The following AK9 variants were observed in gnomAD, a reference collection of about 807,000 sequenced individuals.
AK9 encodes adenylate kinase domain containing 1.
In AK9, 191 loss-of-function variants were observed where a neutral mutation model predicts 239.6. The observed-to-expected ratio is 0.80, with a 90% CI of 0.71 to 0.90. The LOEUF is 0.90. Among genes scored for constraint, AK9 ranks in the 40% least tolerant of loss-of-function variants. The probability of loss-of-function intolerance (pLI) is 0.00; values close to 1 mark genes in which losing one functional copy is unlikely to be tolerated. For missense variants in AK9, 1,995 were observed against 2,214.7 expected, an observed-to-expected ratio of 0.90 and a Z score of 1.99; for synonymous variants, 689 against 721.0, an observed-to-expected ratio of 0.96 and a Z score of 0.71.
At chr6:109,545,009 A>G (rs1221011433) in intron 26 of AK9, among the ~76,000 whole-genome samples, 6 of 152,192 alleles carry the variant, frequency 3.9e-5, no homozygotes, top group African/African-American at 1.4e-4. Flanking sequence ...GAAGAGCTGG[A>G]AGATTTGTAT....
intron 32 of AK9, among the ~76,000 whole-genome samples, chr6:109,513,076 G>A (rs1379305866): frequency 3.3e-5 from 5 of 152,062 alleles, no homozygotes; most frequent in African/African-American, 1.2e-4. Flanking sequence ...TGTTACCCAG[G>A]CTGGTCCTGA....
chr6:109,533,599 TTTAC>T (rs1562365200), intron 27 of AK9, 129 bp from the exon 28 acceptor site: 3 of 610,042 alleles, frequency 4.9e-6, no homozygotes, highest in East Asian at 3.3e-5. Flanking sequence ...ATATACATTC[TTTAC>T]TTGTCAATGA....
At chr6:109,608,391 G>C (rs1793179358) in intron 17 of AK9, among the ~76,000 whole-genome samples, 1 of 151,734 alleles carries the variant, frequency 6.6e-6, no homozygotes, top group Admixed American at 6.6e-5. Flanking sequence ...CACATATATG[G>C]CCACTTGATA....
At chr6:109,503,342 G>A (rs945423662) in intron 35 of AK9, among the ~76,000 whole-genome samples, 2 of 151,994 alleles carry the variant, frequency 1.3e-5, no homozygotes, top group African/African-American at 4.8e-5. Context: ...ATTTAGAATC[G>A]TGTAACTTCA....
At chr6:109,635,214 T>C (rs1796566981) in intron 10 of AK9, among the ~76,000 whole-genome samples, 1 of 152,198 alleles carries the variant, frequency 6.6e-6, no homozygotes, top group African/African-American at 2.4e-5. Flanking sequence ...CTACACAGTT[T>C]TGTAAGTTAG....
At chr6:109,542,695 A>G (rs2064820) in intron 26 of AK9, among the ~76,000 whole-genome samples, 88,521 of 152,030 alleles carry the variant, frequency 0.58, 27,463 homozygotes, top group East Asian at 0.84. Context: ...GTCTTTTTTT[A>G]TAGTGTTGCT....
At chr6:109,607,549 G>A (rs1003803019) in intron 17 of AK9, among the ~76,000 whole-genome samples, 17 of 152,094 alleles carry the variant, frequency 1.1e-4, no homozygotes, top group African/African-American at 4.1e-4. Context: ...ATATGCAAAT[G>A]TCATGCCATT....
In AK9 at chr6:109,549,301, C is replaced by T. The variant is rs182327751; in HGVS notation, c.2964+789G>A. Among the ~76,000 whole-genome samples the T allele has an allele frequency of 1.1e-4, 17 of 152,306 alleles. No individual in the cohort carries two copies. The East Asian group carries it at 3.1e-3, about 28-fold the overall frequency. On this transcript the variant is annotated intron_variant, in intron 25 of 40. Coordinates refer to ENST00000424296, the MANE Select transcript of AK9 (RefSeq NM_001145128.3). ...AATCAGGATGGACTTACCCCTATAA[C>T]AATTCTCTGAGTGTGAACCAGTCAA...
At chr6:109,508,529 A>G (rs530670488) in intron 33 of AK9, among the ~76,000 whole-genome samples, 1 of 152,160 alleles carries the variant, frequency 6.6e-6, no homozygotes, top group East Asian at 1.9e-4. Context: ...GGACTTAATT[A>G]TGGGTCACAG....
chr6:109,588,337 G>A (rs1459437412), intron 17 of AK9, among the ~76,000 whole-genome samples: 1 of 151,946 alleles, frequency 6.6e-6, no homozygotes, highest in Non-Finnish European at 1.5e-5. Flanking sequence ...CCAAAGTGCT[G>A]GGATTACAGG....
chr6:109,601,646 G>C (rs1220445944), intron 17 of AK9, among the ~76,000 whole-genome samples: 1 of 152,124 alleles, frequency 6.6e-6, no homozygotes, highest in Non-Finnish European at 1.5e-5. Flanking sequence ...TTAACTTTCT[G>C]TCTCGTTGAT....
At chr6:109,588,273 G>C (rs554704092) in intron 17 of AK9, among the ~76,000 whole-genome samples, 2 of 152,162 alleles carry the variant, frequency 1.3e-5, no homozygotes, top group South Asian at 4.1e-4. Flanking sequence ...GTTTCACCGT[G>C]TTAGCCAGGA....
intron 38 of AK9, among the ~76,000 whole-genome samples, chr6:109,496,128 A>G (rs187961763): frequency 6.6e-5 from 10 of 152,364 alleles, no homozygotes; most frequent in African/African-American, 2.4e-4. Context: ...TTTTATCTGC[A>G]GATGGGATTT....
At chr6:109,501,433 C>T (rs1777594399) in intron 35 of AK9, among the ~76,000 whole-genome samples, 1 of 152,202 alleles carries the variant, frequency 6.6e-6, no homozygotes, top group Non-Finnish European at 1.5e-5. Flanking sequence ...TATGCAATCT[C>T]TCCACAATCC....
intron 29 of AK9, among the ~76,000 whole-genome samples, chr6:109,522,320 C>T (rs1779953179): frequency 6.6e-6 from 1 of 152,026 alleles, no homozygotes. Context: ...ACCTCCTGCT[C>T]TCTTCAATAC....
At chr6:109,651,832 C>G (rs1408402184) in intron 8 of AK9, among the ~76,000 whole-genome samples, 1 of 152,102 alleles carries the variant, frequency 6.6e-6, no homozygotes, top group Non-Finnish European at 1.5e-5. Context: ...TGGACATATA[C>G]ACCCTCCCAA....
At chr6:109,504,856 C>T (rs1366855521) in intron 35 of AK9, among the ~76,000 whole-genome samples, 1 of 152,190 alleles carries the variant, frequency 6.6e-6, no homozygotes, top group South Asian at 2.1e-4. Context: ...AATCTGGCAA[C>T]TCTACGCCTG....
intron 8 of AK9, among the ~76,000 whole-genome samples, chr6:109,654,732 C>G (rs1054721663): frequency 6.6e-6 from 1 of 152,162 alleles, no homozygotes; most frequent in Non-Finnish European, 1.5e-5. Context: ...ATACCTGCAC[C>G]AGGAGTTGAG....
rs1007152202 is a variant in AK9 at position 109,563,803 on chromosome 6, T to C, written c.2636-91A>G. ...AGTCAAATGTTGGGAAAATTGATTA[T>C]TATTATTATTAGTCTCTTAGATTAA... On this transcript the variant is annotated intron_variant, in intron 23 of 40. Coordinates refer to ENST00000424296, the MANE Select transcript of AK9 (RefSeq NM_001145128.3). 63 of 1,347,692 alleles carry C rather than the reference T, an allele frequency of 4.7e-5. No homozygotes were observed. In the Middle Eastern group the frequency reaches 1.7e-3, roughly 35 times the overall value. The allele number at this position is 1,347,692 out of a possible 1,614,324, so 83.5% of individuals were successfully genotyped here.
Sources: allele counts gnomAD v4.1 joint callset (sites outside exome capture counted in the v4.1 genomes callset), GRCh38; gene constraint gnomAD v4.1.1; transcripts MANE v1.5; gene names NCBI Gene and HGNC (gene_info 2026-07-23, HGNC 2026-07-21).